GPC5: variants seen among roughly 807,000 people sequenced by gnomAD.
GPC5 encodes glypican 5, also known as glypican-5.
A neutral mutation model predicts 53.9 loss-of-function variants in GPC5; 47 were observed. The ratio of observed to expected loss-of-function variants is 0.87; its 90% confidence interval spans 0.69 to 1.11. The LOEUF is 1.11. GPC5 is among the 50% of genes most tolerant of loss of function. The probability of loss-of-function intolerance (pLI) is 0.00; values close to 1 mark genes in which losing one functional copy is unlikely to be tolerated. For synonymous variants in GPC5, 286 were observed against 263.3 expected (o/e 1.09, Z -0.84); for missense variants, 748 against 713.1 (o/e 1.05, Z -0.56).
At chr13:91,427,118 C>T (rs940894476) in intron 1 of GPC5, among the ~76,000 whole-genome samples, 11 of 152,222 alleles carry the variant, frequency 7.2e-5, no homozygotes, top group Admixed American at 2.0e-4. Context: ...AGAACCTCTG[C>T]TAGGACAGTG....
chr13:92,356,052 C>T (rs1309369499), intron 7 of GPC5, among the ~76,000 whole-genome samples: 2 of 152,158 alleles, frequency 1.3e-5, no homozygotes, highest in African/African-American at 2.4e-5. Flanking sequence ...AGATTCTCTA[C>T]CACTGGCCTT....
At chr13:92,339,437 C>T (rs751435901) in intron 7 of GPC5, among the ~76,000 whole-genome samples, 3 of 151,950 alleles carry the variant, frequency 2.0e-5, no homozygotes, top group Non-Finnish European at 2.9e-5. Flanking sequence ...TTGGATAAGA[C>T]GGGCTCATCT....
chr13:92,186,658 G>A (rs2042185820), intron 7 of GPC5, among the ~76,000 whole-genome samples: 1 of 152,122 alleles, frequency 6.6e-6, no homozygotes, highest in African/African-American at 2.4e-5. Context: ...TTAGAATACT[G>A]GATTTGATTC....
At chr13:91,683,645 T>C (rs1007934654) in intron 2 of GPC5, among the ~76,000 whole-genome samples, 1 of 152,200 alleles carries the variant, frequency 6.6e-6, no homozygotes, top group Non-Finnish European at 1.5e-5. Flanking sequence ...CACTTGACAT[T>C]ATTCTTGGCA....
At chr13:92,420,489 A>G (rs1319452065) in intron 7 of GPC5, among the ~76,000 whole-genome samples, 2 of 152,158 alleles carry the variant, frequency 1.3e-5, no homozygotes, top group African/African-American at 4.8e-5. Flanking sequence ...TCAAGCATTT[A>G]TCCTTTTATT....
chr13:91,543,399 TTTA>T (rs1732262450), intron 2 of GPC5, among the ~76,000 whole-genome samples: 1 of 152,222 alleles, frequency 6.6e-6, no homozygotes, highest in African/African-American at 2.4e-5. Context: ...GAAGTATTTA[TTTA>T]TTATGAATTT....
intron 7 of GPC5, among the ~76,000 whole-genome samples, chr13:92,282,922 G>T (rs967220527): frequency 1.3e-5 from 2 of 152,174 alleles, no homozygotes; most frequent in East Asian, 3.9e-4. Flanking sequence ...TGGGCTAAAT[G>T]CTCCAATTAA....
intron 6 of GPC5, among the ~76,000 whole-genome samples, chr13:91,957,721 A>C (rs2040086785): frequency 6.6e-6 from 1 of 152,120 alleles, no homozygotes; most frequent in Non-Finnish European, 1.5e-5. Context: ...AGGAGAAACA[A>C]AGTCTTCCCC....
chr13:92,111,000 A>T (rs2041552386), intron 6 of GPC5, among the ~76,000 whole-genome samples: 1 of 152,194 alleles, frequency 6.6e-6, no homozygotes, highest in Non-Finnish European at 1.5e-5. Flanking sequence ...ATTGAATAAA[A>T]TATACCTGCC....
intron 2 of GPC5, among the ~76,000 whole-genome samples, chr13:91,688,887 G>A (rs1300329724): frequency 6.6e-6 from 1 of 151,884 alleles, no homozygotes; most frequent in Non-Finnish European, 1.5e-5. Context: ...TGAAAGGATG[G>A]TATAGACTGA....
chr13:92,362,132 C>T (rs949968744), intron 7 of GPC5, among the ~76,000 whole-genome samples: 2 of 151,682 alleles, frequency 1.3e-5, no homozygotes, highest in African/African-American at 4.9e-5. Context: ...CTACTTCATC[C>T]TCTCATTTAC....
At chr13:92,368,855 G>C (rs1255960792) in intron 7 of GPC5, among the ~76,000 whole-genome samples, 1 of 152,084 alleles carries the variant, frequency 6.6e-6, no homozygotes, top group Non-Finnish European at 1.5e-5. Context: ...ATGCATTTTT[G>C]TAGGAAGAAT....
chr13:91,441,366 A>G lies in GPC5; in HGVS notation c.164-7395A>G, dbSNP rs564177284. Among the ~76,000 whole-genome samples the G allele has an allele frequency of 5.4e-4, 83 of 152,340 alleles. 1 individual carries two copies. Among genetic ancestry groups the G allele is most frequent in the African/African-American group, 1.8e-3 (76 of 41,578 alleles). ...GTTCCTTTGAATTGTGGAATAAATC[A>G]TAGAAGAAAGTAGAATGGTTTGGCA... On this transcript the variant is annotated intron_variant, in intron 1 of 7. Transcript: ENST00000377067.
At chr13:91,482,272 C>G (rs1390358593) in intron 2 of GPC5, among the ~76,000 whole-genome samples, 1 of 152,152 alleles carries the variant, frequency 6.6e-6, no homozygotes, top group African/African-American at 2.4e-5. Flanking sequence ...GAACAGTGTT[C>G]TTCCTCTTGG....
Position 91,410,339 on chromosome 13 carries a change from CTTTTTTT to C in GPC5, c.163+11148_163+11154del, listed in dbSNP as rs66787310. ...AAATCATAGTAGAATCGTTTCCATT[CTTTTTTT>C]TTTTTTTTTTTTTTTTTGAGACCAA... On this transcript the variant is annotated intron_variant, in intron 1 of 7. Coordinates refer to ENST00000377067, the MANE Select transcript of GPC5 (RefSeq NM_004466.6). Among the ~76,000 whole-genome samples, 651 of 89,854 alleles carry C rather than the reference CTTTTTTT, an allele frequency of 7.2e-3. 1 individual carries two copies. Among genetic ancestry groups the C allele is most frequent in the African/African-American group, 0.026 (603 of 23,416 alleles). 58.9% of individuals were successfully genotyped at this position (89,854 alleles called of 152,430 possible). A position where few individuals can be genotyped will look rare whatever the true frequency, so the allele number is the denominator to read the frequency against.
intron 4 of GPC5, among the ~76,000 whole-genome samples, chr13:91,744,501 G>A (rs2037004715): frequency 6.6e-6 from 1 of 152,146 alleles, no homozygotes; most frequent in African/African-American, 2.4e-5. Context: ...TGGAGGATCT[G>A]AAAATGCAAG....
intron 2 of GPC5, among the ~76,000 whole-genome samples, chr13:91,466,933 G>C (rs1205647912): frequency 1.3e-5 from 2 of 152,110 alleles, no homozygotes; most frequent in Admixed American, 6.5e-5. Context: ...TATATTGAAT[G>C]CTGGGCACTG....
At chr13:92,123,898 T>C (rs2041671710) in intron 6 of GPC5, among the ~76,000 whole-genome samples, 1 of 152,228 alleles carries the variant, frequency 6.6e-6, no homozygotes, top group Non-Finnish European at 1.5e-5. Flanking sequence ...TCTACGAAGA[T>C]GTCTTCATTA....
chr13:91,601,605 T>C (rs2033183498), intron 2 of GPC5, among the ~76,000 whole-genome samples: 1 of 152,078 alleles, frequency 6.6e-6, no homozygotes, highest in African/African-American at 2.4e-5. Flanking sequence ...TGGTATTTGA[T>C]TCTCATAGGA....
Sources: allele counts gnomAD v4.1 joint callset (sites outside exome capture counted in the v4.1 genomes callset), GRCh38; gene constraint gnomAD v4.1.1; transcripts MANE v1.5; gene names NCBI Gene and HGNC (gene_info 2026-07-23, HGNC 2026-07-21).